OLA1: variants seen among roughly 807,000 people sequenced by gnomAD.
The protein encoded by OLA1 is Obg like ATPase 1.
A neutral mutation model predicts 48.4 loss-of-function variants in OLA1; 14 were observed. The ratio of observed to expected loss-of-function variants is 0.29; its 90% CI spans 0.19 to 0.45. The LOEUF (loss-of-function observed/expected upper bound fraction) is 0.45. OLA1 is among the 20% of genes least tolerant of loss of function. OLA1 has a pLI of 1.00. For missense variants in OLA1, 325 were observed against 467.1 expected (o/e 0.70, Z 2.80); for synonymous variants, 127 against 150.4 (o/e 0.84, Z 1.14).
chr2:174,145,419 C>CTT (rs915998364), intron 4 of OLA1, among the ~76,000 whole-genome samples: 4 of 152,008 alleles, frequency 2.6e-5, no homozygotes, highest in African/African-American at 9.7e-5. Context: ...TTCACATGAA[C>CTT]TAAAATAGCA....
intron 5 of OLA1, among the ~76,000 whole-genome samples, chr2:174,128,527 T>A (rs1253165036): frequency 6.6e-6 from 1 of 151,840 alleles, no homozygotes; most frequent in Non-Finnish European, 1.5e-5. Flanking sequence ...GTCAGGAGTT[T>A]GAGAACAGCT....
At chr2:174,197,105 A>G (rs1055263229) in intron 4 of OLA1, among the ~76,000 whole-genome samples, 3 of 152,170 alleles carry the variant, frequency 2.0e-5, no homozygotes, top group African/African-American at 7.2e-5. Flanking sequence ...CATGGAGAAG[A>G]CCTTGTGCAG....
At chr2:174,197,444 T>A (rs1228413568) in intron 4 of OLA1, among the ~76,000 whole-genome samples, 1 of 149,184 alleles carries the variant, frequency 6.7e-6, no homozygotes, top group Non-Finnish European at 1.5e-5. Flanking sequence ...TTTTTTTTTT[T>A]ATGAGAATAA....
At chr2:174,156,667 C>T (rs1326630701) in intron 4 of OLA1, among the ~76,000 whole-genome samples, 1 of 150,572 alleles carries the variant, frequency 6.6e-6, no homozygotes, top group African/African-American at 2.4e-5. Flanking sequence ...TCACTGCAAC[C>T]CCCACCTACC....
At position 174,123,092 on chromosome 2, in the gene OLA1, C is replaced by T. The variant is rs868363117; in HGVS notation, c.728+88G>A. 1.4e-5 allele frequency: 9 copies of T among 625,806 alleles called. No homozygotes were observed. The Middle Eastern group carries it at 1.2e-3, about 85-fold the overall frequency. The allele number at this position is 625,806 out of a possible 1,614,324, so 38.8% of individuals were successfully genotyped here. A position where few individuals can be genotyped will look rare whatever the true frequency, so the allele number is the denominator to read the frequency against. ...TAAGGAGAAAAATATTAAAATTAAA[C>T]ATTGCCGTTAAGTACATATATGTGG... is the stretch of plus-strand genomic sequence containing the variant. On this transcript the variant is annotated intron_variant, in intron 7 of 10. Transcript: ENST00000284719.
chr2:174,150,891 G>T (rs1177591102), intron 4 of OLA1, among the ~76,000 whole-genome samples: 2 of 152,100 alleles, frequency 1.3e-5, no homozygotes, highest in African/African-American at 4.8e-5. Context: ...TAGCAGCAAG[G>T]CCTTTAAAAA....
rs563565172 is a variant in OLA1, at chr2:174,095,757, A to G, written c.729-13693T>C. Among the ~76,000 whole-genome samples, 35 of 152,326 alleles carry G rather than the reference A, an allele frequency of 2.3e-4. 1 individual carries two copies. In the South Asian group the frequency reaches 7.2e-3, roughly 32 times the overall value. On this transcript the variant is annotated intron_variant, in intron 7 of 10. Transcript: ENST00000284719. The stretch of plus-strand genomic sequence containing the variant: ...GAAAAGGCAGTCCACAGAATGGGAT[A>G]AAATATTTGGAAGTCATACATATGA...
chr2:174,164,555 A>G (rs1687117181), intron 4 of OLA1, among the ~76,000 whole-genome samples: 1 of 152,190 alleles, frequency 6.6e-6, no homozygotes, highest in South Asian at 2.1e-4. Context: ...AGTATTATGA[A>G]GTATTACCAA....
chr2:174,229,524 A>G, intron 2 of OLA1, 73 bp from the exon 3 acceptor site: 1 of 1,076,160 alleles, frequency 9.3e-7, no homozygotes, highest in East Asian at 2.5e-5. Flanking sequence ...CTCTAATTTC[A>G]ATGCTCAAAT....
intron 4 of OLA1, among the ~76,000 whole-genome samples, chr2:174,187,448 G>A (rs972786481): frequency 2.0e-5 from 3 of 152,212 alleles, no homozygotes; most frequent in African/African-American, 7.2e-5. Flanking sequence ...TTTTCAAGGA[G>A]TGAACTTCTT....
At chr2:174,179,266 T>C (rs1274334709) in intron 4 of OLA1, among the ~76,000 whole-genome samples, 2 of 151,746 alleles carry the variant, frequency 1.3e-5, no homozygotes, top group East Asian at 3.9e-4. Flanking sequence ...TGATAAACTG[T>C]GAGAAATGAC....
rs112003193 is a variant in OLA1, at chr2:174,075,258, G to C, written c.*168C>G. On this transcript the variant is annotated 3_prime_UTR_variant, in exon 11 of 11. Coordinates refer to ENST00000284719, the MANE Select transcript of OLA1 (RefSeq NM_013341.5). ...TTTAGTGAACCTGCATTTCATGGGG[G>C]GGGGGGGGTACACAGTATTTTAATT... The C allele has an allele frequency of 3.4e-3, 1,596 of 467,560 alleles. 48 individuals are homozygous for C. Among genetic ancestry groups the C allele is most frequent in the African/African-American group, 0.029 (1,392 of 48,150 alleles). 29.0% of individuals were successfully genotyped at this position (467,560 alleles called of 1,614,324 possible).
intron 4 of OLA1, among the ~76,000 whole-genome samples, chr2:174,165,696 T>A (rs1173594457): frequency 6.6e-6 from 1 of 152,212 alleles, no homozygotes; most frequent in African/African-American, 2.4e-5. Context: ...TGCAAGAGTA[T>A]CACCTATCAA....
intron 5 of OLA1, 63 bp downstream of exon 5, chr2:174,141,762 A>T (rs1686452444): frequency 3.1e-6 from 4 of 1,299,816 alleles, no homozygotes; most frequent in Non-Finnish European, 4.3e-6. Context: ...TGCATTATTT[A>T]AAAAATTTAA....
chr2:174,151,487 T>C (rs932146412), intron 4 of OLA1, among the ~76,000 whole-genome samples: 1 of 152,218 alleles, frequency 6.6e-6, no homozygotes, highest in East Asian at 1.9e-4. Context: ...ATTTATATTC[T>C]AATCCAGAGT....
intron 4 of OLA1, among the ~76,000 whole-genome samples, chr2:174,187,901 G>A (rs1165221578): frequency 1.3e-5 from 2 of 152,180 alleles, no homozygotes; most frequent in South Asian, 2.1e-4. Context: ...GAGTGATGAT[G>A]AATAAGGTGG....
chr2:174,246,375 CTT>C lies in OLA1; in HGVS notation c.101+338_101+339del, dbSNP rs1178081180. ...CTCTCAGAACTTTCAGATTTAGACTCTTTATAACAGCAAACCTTTTACGATTT... is the reference window on the plus strand; with the variant it reads ...CTCTCAGAACTTTCAGATTTAGACTCTATAACAGCAAACCTTTTACGATTT... On this transcript the variant is annotated intron_variant, in intron 2 of 10. Transcript: ENST00000284719. Among the ~76,000 whole-genome samples, 7 of 152,178 alleles carry C rather than the reference CTT, an allele frequency of 4.6e-5. No homozygotes were observed. The East Asian group carries it at 1.3e-3, about 29-fold the overall frequency.
At chr2:174,143,102 A>G (rs898256554) in intron 4 of OLA1, among the ~76,000 whole-genome samples, 1 of 152,194 alleles carries the variant, frequency 6.6e-6, no homozygotes, top group Non-Finnish European at 1.5e-5. Context: ...TTTTAAATAT[A>G]ATTTCCCAGA....
intron 7 of OLA1, among the ~76,000 whole-genome samples, chr2:174,122,478 T>C (rs965266003): frequency 1.3e-5 from 2 of 152,212 alleles, no homozygotes; most frequent in African/African-American, 4.8e-5. Context: ...CTTTGGATAG[T>C]TTTGATTTGT....
Sources: gnomAD v4.1 joint callset for allele counts (sites outside exome capture counted in the v4.1 genomes callset) on GRCh38, gnomAD v4.1.1 for gene constraint, MANE v1.5 for transcripts, NCBI Gene and HGNC (gene_info 2026-07-23, HGNC 2026-07-21) for gene names.